The following RNF217 variants were observed in gnomAD, a reference collection of about 807,000 sequenced individuals.
RNF217 encodes the protein E3 ubiquitin-protein ligase RNF217.
RNF217 carries 31 observed loss-of-function variants against 57.8 expected under a neutral mutation model. The ratio of observed to expected loss-of-function variants is 0.54; its 90% confidence interval spans 0.40 to 0.72. The LOEUF (loss-of-function observed/expected upper bound fraction) is 0.72. Among genes scored for constraint, RNF217 ranks in the 30% least tolerant of loss-of-function variants. RNF217 has a pLI of 0.00. For missense variants in RNF217, 696 were observed against 708.3 expected, an observed-to-expected ratio of 0.98 and a Z score of 0.20; for synonymous variants, 313 against 294.0, an observed-to-expected ratio of 1.06 and a Z score of -0.66.
At chr6:125,077,905 C>G (rs961158281) in intron 4 of RNF217, among the ~76,000 whole-genome samples, 1 of 152,068 alleles carries the variant, frequency 6.6e-6, no homozygotes, top group African/African-American at 2.4e-5. Context: ...CATATGATAC[C>G]TGATCAGAAC....
At chr6:125,074,834 G>A (rs1249652159) in intron 3 of RNF217, among the ~76,000 whole-genome samples, 1 of 152,130 alleles carries the variant, frequency 6.6e-6, no homozygotes, top group African/African-American at 2.4e-5. Flanking sequence ...ACTGACAAGA[G>A]TCAAACAACT....
chr6:125,047,737 T>G (rs1787150945), intron 2 of RNF217, among the ~76,000 whole-genome samples: 1 of 151,934 alleles, frequency 6.6e-6, no homozygotes, highest in Non-Finnish European at 1.5e-5. Flanking sequence ...TCCTTTTGAT[T>G]AGTAGAGGAA....
At chr6:124,983,515 A>G in intron 1 of RNF217, 2 of 982,154 alleles carry the variant, frequency 2.0e-6, no homozygotes, top group Non-Finnish European at 2.4e-6. Context: ...AGGTTATATA[A>G]TTAAAGGTAG....
At chr6:125,060,270 A>G (rs919830733) in intron 3 of RNF217, among the ~76,000 whole-genome samples, 5 of 152,076 alleles carry the variant, frequency 3.3e-5, no homozygotes, top group African/African-American at 1.2e-4. Context: ...CTCCAGGTAA[A>G]CAATTATCAC....
chr6:125,090,434 A>G lies in RNF217; in HGVS notation c.*7497A>G, dbSNP rs1410241191. 2.0e-5 allele frequency: 3 copies of G among 151,936 alleles called. No homozygotes were observed. The highest frequency in any genetic ancestry group is 4.4e-5 in the Non-Finnish European group (3 of 67,868). 9.4% of individuals were successfully genotyped at this position (151,936 alleles called of 1,614,324 possible). On this transcript the variant is annotated 3_prime_UTR_variant, in exon 6 of 6. Coordinates refer to ENST00000521654, the MANE Select transcript of RNF217 (RefSeq NM_001286398.3). ...CAAACATTTATATCAATGTATATCT[A>G]TTTCAAAACTGTGGGACAATTATTC...
chr6:124,976,821 T>G (rs1223396888), intron 1 of RNF217, among the ~76,000 whole-genome samples: 1 of 152,222 alleles, frequency 6.6e-6, no homozygotes, highest in Non-Finnish European at 1.5e-5. Context: ...GTAGCTTAAA[T>G]CAACCAGAAT....
chr6:125,036,503 A>C (rs928660056), intron 1 of RNF217, among the ~76,000 whole-genome samples: 4 of 152,178 alleles, frequency 2.6e-5, no homozygotes, highest in African/African-American at 9.6e-5. Context: ...AATCGCAACA[A>C]AAGCCAAAGT....
chr6:125,082,594 T>C lies in RNF217; in HGVS notation c.1556-270T>C, dbSNP rs17779663. 11,842 of 1,591,410 alleles carry C rather than the reference T, an allele frequency of 7.4e-3. 70 individuals carry two copies. The highest frequency in any genetic ancestry group is 9.3e-3 in the Non-Finnish European group (10,905 of 1,172,208). ...TATCATAGTGTGCAAATGATATGAC[T>C]GTGGACAATAAAGAAGATTTAAACC... On this transcript the variant is annotated intron_variant, in intron 5 of 5. Coordinates refer to ENST00000521654, the MANE Select transcript of RNF217 (RefSeq NM_001286398.3).
At chr6:125,035,936 T>A (rs1786594622) in intron 1 of RNF217, among the ~76,000 whole-genome samples, 1 of 152,114 alleles carries the variant, frequency 6.6e-6, no homozygotes, top group African/African-American at 2.4e-5. Context: ...TATTTTAAGT[T>A]CTGGGATACA....
At chr6:124,963,560 C>A in intron 1 of RNF217, 134 bp downstream of exon 1, 3 of 1,098,760 alleles carry the variant, frequency 2.7e-6, no homozygotes, top group Non-Finnish European at 3.7e-6. Context: ...TAGTTTCTCA[C>A]GTCTCAGTTG....
rs1028625743 is a variant in RNF217 at position 124,986,849 on chromosome 6, A to G, written c.882+23423A>G. ...AATAAAGTATCTTGAAATTTGTAAT[A>G]TAGATTTACTAATGTAAATAATAGA... On this transcript the variant is annotated intron_variant, in intron 1 of 5. Transcript: ENST00000521654. Among the ~76,000 whole-genome samples, 7 of 152,332 alleles carry G rather than the reference A, an allele frequency of 4.6e-5. No homozygotes were observed. The East Asian group carries it at 1.3e-3, about 29-fold the overall frequency.
intron 2 of RNF217, among the ~76,000 whole-genome samples, chr6:125,054,901 G>A (rs1290673341): frequency 6.6e-6 from 1 of 152,200 alleles, no homozygotes; most frequent in Non-Finnish European, 1.5e-5. Context: ...GACAGGGCAT[G>A]ATGATTTCTG....
chr6:125,078,352 AT>A (rs1788454844), intron 4 of RNF217, among the ~76,000 whole-genome samples: 2 of 152,124 alleles, frequency 1.3e-5, no homozygotes, highest in Non-Finnish European at 2.9e-5. Flanking sequence ...TTGTTATTTT[AT>A]TTTCTACTTC....
chr6:125,015,363 A>G (rs1429275856), intron 1 of RNF217, among the ~76,000 whole-genome samples: 1 of 152,166 alleles, frequency 6.6e-6, no homozygotes, highest in Non-Finnish European at 1.5e-5. Flanking sequence ...AGCACATTTT[A>G]TAAGTTTTTC....
intron 1 of RNF217, among the ~76,000 whole-genome samples, chr6:125,026,637 AT>A (rs1786095586): frequency 6.6e-6 from 1 of 152,122 alleles, no homozygotes; most frequent in Non-Finnish European, 1.5e-5. Context: ...TATTTAAAAC[AT>A]TTCTCTGAGA....
chr6:125,018,142 C>T (rs531707400), intron 1 of RNF217, among the ~76,000 whole-genome samples: 1 of 152,262 alleles, frequency 6.6e-6, no homozygotes, highest in African/African-American at 2.4e-5. Context: ...GGGCTCCTTA[C>T]TTTCAAATTA....
At position 125,085,575 on chromosome 6, in the gene RNF217, A is replaced by G. The variant is rs1788747560; in HGVS notation, c.*2638A>G. 6.6e-6 allele frequency: 1 copy of G among 151,948 alleles called. No individual in the cohort carries two copies. Among genetic ancestry groups the G allele is most frequent in the African/African-American group, 2.4e-5 (1 of 41,432 alleles). 9.4% of individuals were successfully genotyped at this position (151,948 alleles called of 1,614,324 possible). On this transcript the variant is annotated 3_prime_UTR_variant, in exon 6 of 6. Transcript: ENST00000521654. ...AAATTCTAAAAACTACTTTAAAAAGAAGCGTGCACATAAAATAAATATCTT... is the reference window on the plus strand; with the variant it reads ...AAATTCTAAAAACTACTTTAAAAAGGAGCGTGCACATAAAATAAATATCTT...
At chr6:125,076,225 C>T (rs1017904892) in intron 3 of RNF217, among the ~76,000 whole-genome samples, 4 of 152,152 alleles carry the variant, frequency 2.6e-5, no homozygotes, top group Non-Finnish European at 5.9e-5. Context: ...TTCACAAAAA[C>T]TTTTATGTAA....
Position 125,071,345 on chromosome 6 carries a change from G to A in RNF217, c.1282-5312G>A, listed in dbSNP as rs552500512. Among the ~76,000 whole-genome samples, 3 of 152,112 alleles carry A rather than the reference G, an allele frequency of 2.0e-5. No individual in the cohort carries two copies. The South Asian group carries it at 6.2e-4, about 32-fold the overall frequency. ...AGCTGGCAGTCACCCGTGCCATCAC[G>A]AGGGTGAACAACTGATACTCACAGT... is the stretch of plus-strand genomic sequence containing the variant. On this transcript the variant is annotated intron_variant, in intron 3 of 5. Transcript: ENST00000521654.
Sources: gnomAD v4.1 joint callset for allele counts (sites outside exome capture counted in the v4.1 genomes callset) on GRCh38, gnomAD v4.1.1 for gene constraint, MANE v1.5 for transcripts, NCBI Gene and HGNC (gene_info 2026-07-23, HGNC 2026-07-21) for gene names.